The following PPP1R16B variants were observed in gnomAD, a reference collection of about 807,000 sequenced individuals.
PPP1R16B encodes the protein protein phosphatase 1 regulatory inhibitor subunit 16B.
Under a neutral mutation model 61.7 loss-of-function variants are expected in PPP1R16B, and 14 were observed. The ratio of observed to expected loss-of-function variants is 0.23; its 90% confidence interval spans 0.15 to 0.35. PPP1R16B has a LOEUF of 0.35. Ranked by LOEUF, PPP1R16B falls within the 10% of genes least tolerant of loss-of-function variation. The probability of loss-of-function intolerance (pLI) is 1.00; values close to 1 mark genes in which losing one functional copy is unlikely to be tolerated. For missense variants in PPP1R16B, 547 were observed against 752.5 expected (o/e 0.73, Z 3.19); for synonymous variants, 266 against 305.3 (o/e 0.87, Z 1.34).
In PPP1R16B at chr20:38,902,879, G is replaced by GGCCT. The variant is rs1381981627; in HGVS notation, c.696+89_696+92dup. 3 of 1,579,748 alleles carry GGCCT rather than the reference G, an allele frequency of 1.9e-6. No individual in the cohort carries two copies. In the African/African-American group the frequency reaches 4.0e-5, roughly 21 times the overall value. On this transcript the variant is annotated intron_variant, in intron 6 of 10. Coordinates refer to ENST00000299824, the MANE Select transcript of PPP1R16B (RefSeq NM_015568.4). ...GTGGGGACCAACCCTGTACCCTTGG[G>GGCCT]GCCTGTCTGTGACCTTGGACCTCCG...
intron 1 of PPP1R16B, among the ~76,000 whole-genome samples, chr20:38,823,428 G>A (rs2084784918): frequency 6.6e-6 from 1 of 152,162 alleles, no homozygotes. Flanking sequence ...ATCACTTGAG[G>A]TCAGGAGTTC....
At position 38,907,196 on chromosome 20, in the gene PPP1R16B, T is replaced by A. The variant is rs973078178; in HGVS notation, c.898+142T>A. ...GATAGATGGATTAATTAATGGATGG[T>A]AGATGAATGGACGGATGGACAGATT... On this transcript the variant is annotated intron_variant, in intron 8 of 10. Transcript: ENST00000299824. The surrounding 1 kb of genome is among the most constrained non-coding windows in gnomAD (Gnocchi z 4.5). The A allele has an allele frequency of 5.9e-6, 4 of 678,580 alleles. No homozygotes were observed. The highest frequency in any genetic ancestry group is 1.0e-5 in the Non-Finnish European group (4 of 387,076). The allele number at this position is 678,580 out of a possible 1,614,324, so 42.0% of individuals were successfully genotyped here.
intron 2 of PPP1R16B, among the ~76,000 whole-genome samples, chr20:38,857,018 C>G (rs62202525): frequency 0.086 from 13,136 of 152,248 alleles, 598 homozygotes; most frequent in East Asian, 0.11. Context: ...GCTCATGGTC[C>G]CCACCTACGG....
rs951711324 is a variant in PPP1R16B at position 38,835,837 on chromosome 20, G to A, written c.-89G>A. The A allele has an allele frequency of 3.5e-5, 49 of 1,407,732 alleles. No individual in the cohort carries two copies. Among genetic ancestry groups the A allele is most frequent in the Admixed American group, 8.3e-5 (3 of 35,940 alleles). 87.2% of individuals were successfully genotyped at this position (1,407,732 alleles called of 1,614,324 possible). A position where few individuals can be genotyped will look rare whatever the true frequency, so the allele number is the denominator to read the frequency against. On this transcript the variant is annotated 5_prime_UTR_variant, in exon 2 of 11. Transcript: ENST00000299824. The stretch of plus-strand genomic sequence containing the variant: ...CTCCCTGCCACAGGCCACACCATGA[G>A]GCCCCAGCCCCACCAGAGGCCCCGC...
At chr20:38,900,438 A>G in intron 4 of PPP1R16B, 143 bp from the exon 5 acceptor site, 1 of 594,048 alleles carries the variant, frequency 1.7e-6, no homozygotes, top group South Asian at 2.3e-5. Flanking sequence ...AGATCCAAGC[A>G]TCATCTTGCT....
intron 2 of PPP1R16B, among the ~76,000 whole-genome samples, chr20:38,886,317 G>A (rs2085244580): frequency 6.6e-6 from 1 of 152,136 alleles, no homozygotes; most frequent in African/African-American, 2.4e-5. Context: ...CAACATCAGG[G>A]TAATTACATG....
chr20:38,895,789 C>T (rs6028184), intron 4 of PPP1R16B, 79 bp downstream of exon 4: 61,776 of 840,598 alleles, frequency 0.073, 3,861 homozygotes, highest in African/African-American at 0.24. Context: ...TCTCCTCCCT[C>T]CCTCCTTCCT....
At chr20:38,888,841 T>C (rs1374785016) in intron 2 of PPP1R16B, among the ~76,000 whole-genome samples, 1 of 146,464 alleles carries the variant, frequency 6.8e-6, no homozygotes, top group African/African-American at 2.5e-5. Flanking sequence ...GTCAATGCTG[T>C]TCACTCTGGC....
intron 1 of PPP1R16B, among the ~76,000 whole-genome samples, chr20:38,829,448 C>T (rs1298669821): frequency 6.6e-6 from 1 of 152,238 alleles, no homozygotes; most frequent in Non-Finnish European, 1.5e-5. Context: ...GTATCCCATT[C>T]TCTGCAGGAT....
intron 2 of PPP1R16B, among the ~76,000 whole-genome samples, chr20:38,877,768 C>G (rs1184542699): frequency 6.6e-6 from 1 of 152,144 alleles, no homozygotes; most frequent in Non-Finnish European, 1.5e-5. Flanking sequence ...TGAAGTATCT[C>G]ATTTTTGATC....
chr20:38,859,919 T>C (rs2085036006), intron 2 of PPP1R16B, among the ~76,000 whole-genome samples: 1 of 152,246 alleles, frequency 6.6e-6, no homozygotes, highest in South Asian at 2.1e-4. Flanking sequence ...GCAATCAATA[T>C]AAAACTTATT....
At chr20:38,903,224 A>G (rs1270637939) in intron 6 of PPP1R16B, among the ~76,000 whole-genome samples, 1 of 152,142 alleles carries the variant, frequency 6.6e-6, no homozygotes, top group African/African-American at 2.4e-5. Context: ...CCACCTGTTC[A>G]CCAACTGCTC....
At chr20:38,861,723 C>T (rs374533435) in intron 2 of PPP1R16B, among the ~76,000 whole-genome samples, 5 of 146,072 alleles carry the variant, frequency 3.4e-5, no homozygotes, top group Non-Finnish European at 7.4e-5. Flanking sequence ...GTCGCCCAGA[C>T]TAGAGTGCAG....
At chr20:38,915,759 G>C (rs2085531142) in intron 10 of PPP1R16B, among the ~76,000 whole-genome samples, 1 of 151,928 alleles carries the variant, frequency 6.6e-6, no homozygotes, top group Admixed American at 6.6e-5. Context: ...CAAAGTGCTG[G>C]GATTATAAGC....
intron 2 of PPP1R16B, among the ~76,000 whole-genome samples, chr20:38,845,924 A>G (rs1230331490): frequency 1.3e-5 from 2 of 152,322 alleles, no homozygotes; most frequent in Middle Eastern, 3.4e-3. Flanking sequence ...AAGCCCTCAC[A>G]GTAGCGTAGG....
chr20:38,882,874 C>T (rs1235310621), intron 2 of PPP1R16B, among the ~76,000 whole-genome samples: 1 of 152,162 alleles, frequency 6.6e-6, no homozygotes, highest in Non-Finnish European at 1.5e-5. Flanking sequence ...GCATAGGAAA[C>T]AGTGTGTGCA....
chr20:38,906,993 G>A lies in PPP1R16B; in HGVS notation c.837G>A (p.Glu279=), dbSNP rs1284274878. ...AAFWGQMQMA[E]LLVSHGASLS... is the part of the protein sequence containing the mutation. The stretch of plus-strand genomic sequence containing the variant: ...CTGTGTTTCAGATGCAGATGGCAGA[G>A]CTATTGGTGTCCCATGGAGCTAGTC... Residue 279 remains glutamate (E), a synonymous_variant, in exon 8 of 11, where the codon GAG becomes GAA. Transcript: ENST00000299824. The A allele has an allele frequency of 6.2e-7, 1 of 1,613,938 alleles. No individual in the cohort carries two copies. The highest frequency in any genetic ancestry group is 1.7e-5 in the Admixed American group (1 of 60,012).
chr20:38,877,963 T>G (rs1447575317), intron 2 of PPP1R16B, among the ~76,000 whole-genome samples: 7 of 148,212 alleles, frequency 4.7e-5, no homozygotes, highest in Non-Finnish European at 7.5e-5. Context: ...TTTTTTTTTT[T>G]TTTTTTTTTT....
chr20:38,911,716 T>C (rs980694912), intron 10 of PPP1R16B, among the ~76,000 whole-genome samples: 1 of 151,934 alleles, frequency 6.6e-6, no homozygotes, highest in African/African-American at 2.4e-5. Flanking sequence ...TTTCTATTTT[T>C]AGTAGAGATG....
Sources: allele counts gnomAD v4.1 joint callset (sites outside exome capture counted in the v4.1 genomes callset), GRCh38; gene constraint gnomAD v4.1.1; non-coding constraint Gnocchi (gnomAD v3.1); transcripts MANE v1.5; gene names NCBI Gene and HGNC (gene_info 2026-07-23, HGNC 2026-07-21).